UBR4: variants seen among roughly 807,000 people sequenced by gnomAD.
UBR4 encodes the protein ubiquitin protein ligase E3 component n-recognin 4, also known as E3 ubiquitin-protein ligase UBR4.
Under a neutral mutation model 575.6 loss-of-function variants are expected in UBR4, and 124 were observed. The ratio of observed to expected loss-of-function variants is 0.22; its 90% CI spans 0.19 to 0.25. UBR4 has a LOEUF of 0.25. Ranked by LOEUF, UBR4 falls within the 10% of genes least tolerant of loss-of-function variation. UBR4 has a pLI of 1.00. For synonymous variants in UBR4, 2,455 were observed against 2,473.7 expected, an observed-to-expected ratio of 0.99 and a Z score of 0.22; for missense variants, 4,818 against 6,478.8, an observed-to-expected ratio of 0.74 and a Z score of 8.80.
At chr1:19,108,633 G>C (rs1358218377) in intron 81 of UBR4, among the ~76,000 whole-genome samples, 1 of 152,038 alleles carries the variant, frequency 6.6e-6, no homozygotes, top group Non-Finnish European at 1.5e-5. Flanking sequence ...AACTGCACAG[G>C]GCCACCGCCT....
chr1:19,109,377 T>C (rs2079582600), intron 81 of UBR4, among the ~76,000 whole-genome samples: 1 of 152,262 alleles, frequency 6.6e-6, no homozygotes, highest in Admixed American at 6.5e-5. Context: ...GCAGCTATTA[T>C]AGATGTTATA....
chr1:19,119,104 A>C lies in UBR4; in HGVS notation c.10456-147T>G. On this transcript the variant is annotated intron_variant, in intron 70 of 105. Coordinates refer to ENST00000375254, the MANE Select transcript of UBR4 (RefSeq NM_020765.3). ...ATCATACAAAGCTGGGCCTAATTTC[A>C]ATCATTTAAATGGATTCTATCTCCT... The C allele has an allele frequency of 1.5e-5, 10 of 687,078 alleles. No homozygotes were observed. The South Asian group carries it at 1.9e-4, about 13-fold the overall frequency. 42.6% of individuals were successfully genotyped at this position (687,078 alleles called of 1,614,324 possible). A position where few individuals can be genotyped will look rare whatever the true frequency, so the allele number is the denominator to read the frequency against.
chr1:19,075,612 G>T (rs1357836666), intron 105 of UBR4: 2 of 153,182 alleles, frequency 1.3e-5, no homozygotes, highest in African/African-American at 2.4e-5. Flanking sequence ...GCGGAGGCAG[G>T]CACCAGGTCG....
At chr1:19,084,381 G>T in intron 102 of UBR4, 123 bp downstream of exon 102, 2 of 1,033,392 alleles carry the variant, frequency 1.9e-6, no homozygotes, top group Non-Finnish European at 2.8e-6. Flanking sequence ...CAAAAAGGCT[G>T]CCTTAGGCCA....
At chr1:19,196,178 C>G (rs1180621921) in intron 8 of UBR4, among the ~76,000 whole-genome samples, 3 of 152,184 alleles carry the variant, frequency 2.0e-5, no homozygotes, top group Non-Finnish European at 2.9e-5. Flanking sequence ...TCTCCCTCCT[C>G]TAAACTTCCA....
chr1:19,126,758 G>T, intron 63 of UBR4, 103 bp from the exon 64 acceptor site: 1 of 1,215,260 alleles, frequency 8.2e-7, no homozygotes, highest in Non-Finnish European at 1.2e-6. Flanking sequence ...AACAGTCTTA[G>T]CTTTTATGGC....
At chr1:19,118,603 T>G (rs1166123578) in intron 71 of UBR4, 1 of 373,904 alleles carries the variant, frequency 2.7e-6, no homozygotes, top group Non-Finnish European at 4.8e-6. Context: ...TTAAATTTTT[T>G]TTTAAGAGAT....
In UBR4 at chr1:19,122,878, T is replaced by C. The variant is rs746704296; in HGVS notation, c.9771A>G (p.Thr3257=). The change falls in exon 66 of 106, where the codon ACA becomes ACG. Residue 3257 remains threonine (T), a synonymous_variant. Coordinates refer to ENST00000375254, the MANE Select transcript of UBR4 (RefSeq NM_020765.3). ...ATTGCAAGGCGGAGCCTGAGCTGGCTGTAACCACACTTGCCCGGAGGAATA... is the reference window on the plus strand; with the variant it reads ...ATTGCAAGGCGGAGCCTGAGCTGGCCGTAACCACACTTGCCCGGAGGAATA... The part of the protein sequence containing the change: ...QGIFLRASVV[T]ASSGSALQYD... The C allele has an allele frequency of 1.1e-5, 18 of 1,614,286 alleles. No individual in the cohort carries two copies. The highest frequency in any genetic ancestry group is 1.4e-5 in the Non-Finnish European group (16 of 1,180,044).
At chr1:19,180,030 C>A (rs2090720799) in intron 17 of UBR4, among the ~76,000 whole-genome samples, 1 of 152,154 alleles carries the variant, frequency 6.6e-6, no homozygotes, top group African/African-American at 2.4e-5. Context: ...GTGGACTACA[C>A]AGTTACCATA....
rs536102295 is a variant in UBR4, at chr1:19,094,732, G to C, written c.13746+174C>G. On this transcript the variant is annotated intron_variant, in intron 94 of 105. Coordinates refer to ENST00000375254, the MANE Select transcript of UBR4 (RefSeq NM_020765.3). ...CAATTGTGCTTGCTCTGAATCCAAA[G>C]ATTTCACATTTCGATACAATTATGT... Among the ~76,000 whole-genome samples, 3 of 152,352 alleles carry C rather than the reference G, an allele frequency of 2.0e-5. No homozygotes were observed. In the South Asian group the frequency reaches 6.2e-4, roughly 32 times the overall value.
At chr1:19,169,370 C>T in intron 27 of UBR4, 65 bp downstream of exon 27, 2 of 1,434,688 alleles carry the variant, frequency 1.4e-6, no homozygotes, top group East Asian at 2.4e-5. Flanking sequence ...TTCCTTTAGG[C>T]TTAAGAACAA....
At chr1:19,142,382 T>C (rs920894528) in intron 55 of UBR4, among the ~76,000 whole-genome samples, 13 of 152,174 alleles carry the variant, frequency 8.5e-5, no homozygotes, top group African/African-American at 3.1e-4. Context: ...GACTCCTAAT[T>C]GTCAGAAGAG....
chr1:19,171,897 C>A (rs1485628742), intron 25 of UBR4, among the ~76,000 whole-genome samples: 1 of 151,938 alleles, frequency 6.6e-6, no homozygotes, highest in Middle Eastern at 3.2e-3. Flanking sequence ...CTACAGGGAC[C>A]AGATAAAGTC....
At chr1:19,085,008 T>C (rs1487988812) in intron 101 of UBR4, among the ~76,000 whole-genome samples, 2 of 152,242 alleles carry the variant, frequency 1.3e-5, no homozygotes, top group African/African-American at 2.4e-5. Flanking sequence ...GTGGAGTACA[T>C]TTTGGAGGAA....
intron 60 of UBR4, among the ~76,000 whole-genome samples, chr1:19,134,837 C>G (rs1002728468): frequency 1.3e-5 from 2 of 152,132 alleles, no homozygotes. Context: ...TTCCCTGCAC[C>G]TGCACCCCCG....
intron 38 of UBR4, 137 bp downstream of exon 38, chr1:19,160,780 G>A (rs181144817): frequency 1.2e-6 from 1 of 811,742 alleles, no homozygotes; most frequent in Non-Finnish European, 2.0e-6. Context: ...ACAATACATA[G>A]TATTTGCATT....
intron 103 of UBR4, chr1:19,079,478 C>T (rs537332958): frequency 2.6e-5 from 4 of 152,332 alleles, no homozygotes; most frequent in Non-Finnish European, 2.9e-5. Flanking sequence ...TTCTGACAGA[C>T]GCCTGAGAAT....
intron 102 of UBR4, 144 bp downstream of exon 102, chr1:19,084,360 C>G: frequency 1.3e-6 from 1 of 765,308 alleles, no homozygotes; most frequent in Non-Finnish European, 2.0e-6. Context: ...AGATGAGCAT[C>G]CCCACCTCGG....
chr1:19,185,378 A>G (rs1039671166), intron 14 of UBR4, 92 bp from the exon 15 acceptor site: 2 of 1,234,456 alleles, frequency 1.6e-6, no homozygotes, highest in African/African-American at 3.1e-5. Context: ...GTCAAAAGGA[A>G]TACAAGGATA....
Sources: gnomAD v4.1 joint callset for allele counts (sites outside exome capture counted in the v4.1 genomes callset) on GRCh38, gnomAD v4.1.1 for gene constraint, MANE v1.5 for transcripts, NCBI Gene and HGNC (gene_info 2026-07-23, HGNC 2026-07-21) for gene names.